The following RBFOX1 variants were observed in gnomAD, a reference collection of about 807,000 sequenced individuals.
RBFOX1 encodes RNA binding fox-1 homolog 1, also known as RNA binding protein fox-1 homolog 1.
RBFOX1 carries 8 observed loss-of-function variants against 57.7 expected under a neutral mutation model. That is an observed-to-expected ratio of 0.14 (90% CI 0.08 to 0.25). The LOEUF (loss-of-function observed/expected upper bound fraction) is 0.25, where lower values mean the gene tolerates loss of function less well. RBFOX1 is among the 10% of genes least tolerant of loss of function. The pLI is 1.00. For synonymous variants in RBFOX1, 326 were observed against 222.4 expected (o/e 1.47, Z -4.15); for missense variants, 611 against 548.5 (o/e 1.11, Z -1.14).
At chr16:5,884,450 C>T (rs1245290606) in intron 4 of RBFOX1, among the ~76,000 whole-genome samples, 1 of 147,824 alleles carries the variant, frequency 6.8e-6, no homozygotes, top group African/African-American at 2.5e-5. Flanking sequence ...CCGCCCCGCC[C>T]CCCGCTCCCC....
In RBFOX1 at chr16:7,512,175, C is replaced by G. The variant is rs551916031; in HGVS notation, c.28-5972C>G. On this transcript the variant is annotated intron_variant, in intron 4 of 15. Transcript: ENST00000550418. The stretch of plus-strand genomic sequence containing the variant: ...TTCTGCAAATGAGGGAATGTCTAGC[C>G]AGAATGCTCCAAATAATTTTGCCTG... Among the ~76,000 whole-genome samples, 5 of 152,252 alleles carry G rather than the reference C, an allele frequency of 3.3e-5. No individual in the cohort carries two copies. In the South Asian group the frequency reaches 1.0e-3, roughly 32 times the overall value.
At chr16:7,644,404 A>G (rs968299327) in intron 11 of RBFOX1, among the ~76,000 whole-genome samples, 2 of 152,212 alleles carry the variant, frequency 1.3e-5, no homozygotes, top group African/African-American at 4.8e-5. Flanking sequence ...GCCAACTGCA[A>G]TCACATCGTT....
chr16:6,428,861 ATTGT>A (rs761127388), intron 2 of RBFOX1, among the ~76,000 whole-genome samples: 5 of 152,206 alleles, frequency 3.3e-5, no homozygotes, highest in African/African-American at 7.2e-5. Context: ...CGAGGCTGTG[ATTGT>A]TTGTTTTACT....
At chr16:5,553,049 G>A (rs951222406) in intron 2 of RBFOX1, among the ~76,000 whole-genome samples, 10 of 152,044 alleles carry the variant, frequency 6.6e-5, no homozygotes, top group Non-Finnish European at 1.3e-4. Context: ...ACAAAACACC[G>A]CATGTTCTCA....
Position 6,740,051 on chromosome 16 carries a change from TA to T in RBFOX1, c.-16+85406del, listed in dbSNP as rs1260306618. On this transcript the variant is annotated intron_variant, in intron 3 of 15. Coordinates refer to ENST00000550418, the MANE Select transcript of RBFOX1 (RefSeq NM_018723.4). ...TTTTCAAATAGAATCTAACAATATA[TA>T]AAAAGACTTATGCACCCCAACCTAA... Among the ~76,000 whole-genome samples, 12 of 152,234 alleles carry T rather than the reference TA, an allele frequency of 7.9e-5. No homozygotes were observed. In the South Asian group the frequency reaches 2.5e-3, roughly 32 times the overall value.
chr16:6,306,065 C>T (rs150915879), intron 1 of RBFOX1, among the ~76,000 whole-genome samples: 1 of 152,140 alleles, frequency 6.6e-6, no homozygotes, highest in South Asian at 2.1e-4. Flanking sequence ...TGGTTTTGCT[C>T]TAGGCACTCT....
chr16:6,931,612 C>T (rs1225735772), intron 3 of RBFOX1, among the ~76,000 whole-genome samples: 1 of 152,106 alleles, frequency 6.6e-6, no homozygotes, highest in African/African-American at 2.4e-5. Context: ...CCACAACCAC[C>T]ACAATGCTTT....
At chr16:7,454,125 C>G (rs1452008113) in intron 4 of RBFOX1, among the ~76,000 whole-genome samples, 1 of 152,180 alleles carries the variant, frequency 6.6e-6, no homozygotes, top group African/African-American at 2.4e-5. Context: ...CCCAGCTACT[C>G]AGGAGGCTAA....
At chr16:7,179,692 G>T (rs1032386043) in intron 4 of RBFOX1, among the ~76,000 whole-genome samples, 1 of 151,816 alleles carries the variant, frequency 6.6e-6, no homozygotes, top group Non-Finnish European at 1.5e-5. Context: ...TCCTTCATTT[G>T]TATATAGAAC....
At chr16:7,671,874 C>G (rs762812700) in intron 13 of RBFOX1, among the ~76,000 whole-genome samples, 3 of 152,182 alleles carry the variant, frequency 2.0e-5, no homozygotes, top group African/African-American at 7.2e-5. Context: ...CAGCCATGAG[C>G]TTTGTTAGAT....
chr16:7,594,208 A>T (rs777590885), intron 7 of RBFOX1, among the ~76,000 whole-genome samples: 8 of 149,154 alleles, frequency 5.4e-5, no homozygotes, highest in African/African-American at 7.5e-5. Context: ...TTTGGAGGTG[A>T]TTATAGAGAA....
chr16:6,046,651 C>A (rs1027419864), intron 1 of RBFOX1, among the ~76,000 whole-genome samples: 3 of 152,120 alleles, frequency 2.0e-5, no homozygotes, highest in African/African-American at 7.2e-5. Flanking sequence ...GTTAGGGAGG[C>A]AACTTTGGAT....
At chr16:6,092,334 C>A (rs1271215377) in intron 1 of RBFOX1, 1 of 152,164 alleles carries the variant, frequency 6.6e-6, no homozygotes, top group African/African-American at 2.4e-5. Context: ...GAGACAGCAA[C>A]CATGGGAACA....
chr16:5,355,628 G>C (rs4786677), intron 1 of RBFOX1, among the ~76,000 whole-genome samples: 104,660 of 152,116 alleles, frequency 0.69, 38,796 homozygotes, highest in East Asian at 1. Context: ...GAAGGGGCCT[G>C]TAGTGGGTTG....
At chr16:6,923,685 C>T (rs896276787) in intron 3 of RBFOX1, among the ~76,000 whole-genome samples, 1 of 152,148 alleles carries the variant, frequency 6.6e-6, no homozygotes, top group Non-Finnish European at 1.5e-5. Flanking sequence ...CTCTTTACCC[C>T]TTGACTGCCA....
chr16:6,045,400 T>G (rs2095484948), intron 1 of RBFOX1, among the ~76,000 whole-genome samples: 1 of 152,094 alleles, frequency 6.6e-6, no homozygotes, highest in Non-Finnish European at 1.5e-5. Context: ...GTAGTCTAAT[T>G]TGGATGATCG....
rs574943686 is a variant in RBFOX1, at chr16:7,532,702, C to T, written c.270+14313C>T. Among the ~76,000 whole-genome samples the T allele has an allele frequency of 8.5e-4, 130 of 152,290 alleles. 1 individual carries two copies. Among genetic ancestry groups the T allele is most frequent in the South Asian group, 5.4e-3 (26 of 4,830 alleles). On this transcript the variant is annotated intron_variant, in intron 5 of 15. Transcript: ENST00000550418. ...TAGCTCGTGGGCCGATTCCTGCCTG[C>T]GATGTTTTTGTCAATAAAGTTTTAT...
chr16:7,409,455 C>G (rs1427428216), intron 4 of RBFOX1, among the ~76,000 whole-genome samples: 1 of 152,190 alleles, frequency 6.6e-6, no homozygotes, highest in Non-Finnish European at 1.5e-5. Context: ...TCCCCATTGT[C>G]ACAGAATGCA....
intron 2 of RBFOX1, among the ~76,000 whole-genome samples, chr16:5,532,356 G>A (rs1404439083): frequency 6.6e-6 from 1 of 152,156 alleles, no homozygotes; most frequent in Non-Finnish European, 1.5e-5. Flanking sequence ...GCTCCTTTGG[G>A]CTTTTTGGCT....
Sources: gnomAD v4.1 joint callset for allele counts (sites outside exome capture counted in the v4.1 genomes callset) on GRCh38, gnomAD v4.1.1 for gene constraint, MANE v1.5 for transcripts, NCBI Gene and HGNC (gene_info 2026-07-23, HGNC 2026-07-21) for gene names.